The following LRRC61 variants were observed in gnomAD, a reference collection of about 807,000 sequenced individuals.
LRRC61 encodes the protein leucine-rich repeat-containing protein 61.
LRRC61 carries 9 observed loss-of-function variants against 15.1 expected under a neutral mutation model. The ratio of observed to expected loss-of-function variants is 0.60; its 90% CI spans 0.36 to 1.04. LRRC61 has a LOEUF of 1.04. Among genes scored for constraint, LRRC61 ranks in the 50% least tolerant of loss-of-function variants. The pLI is 0.01. For synonymous variants in LRRC61, 173 were observed against 158.6 expected (o/e 1.09, Z -0.68); for missense variants, 344 against 335.6 (o/e 1.03, Z -0.20).
intron 2 of LRRC61, chr7:150,328,771 A>G (rs1387290623): frequency 1.3e-5 from 2 of 152,232 alleles, no homozygotes; most frequent in African/African-American, 2.4e-5. Context: ...TGCTTCATAT[A>G]TCCTTCCCTG....
At chr7:150,336,102 C>A (rs1798280230) in intron 2 of LRRC61, among the ~76,000 whole-genome samples, 1 of 152,248 alleles carries the variant, frequency 6.6e-6, no homozygotes, top group African/African-American at 2.4e-5. Context: ...CCTGTCCCTT[C>A]ACTACCTTGA....
intron 1 of LRRC61, among the ~76,000 whole-genome samples, chr7:150,324,874 A>G (rs1475453118): frequency 1.3e-5 from 2 of 151,960 alleles, no homozygotes; most frequent in Non-Finnish European, 1.5e-5. Context: ...CCGCCCACTG[A>G]AGGGACCTTT....
chr7:150,325,678 C>T (rs1186558803), intron 1 of LRRC61, among the ~76,000 whole-genome samples, 163 bp from the exon 2 acceptor site: 4 of 152,124 alleles, frequency 2.6e-5, no homozygotes, highest in African/African-American at 9.7e-5. Flanking sequence ...GCCATCTTGC[C>T]CAAGCTGGTC....
At position 150,337,367 on chromosome 7, in the gene LRRC61, G is replaced by A. The variant is rs149938024; in HGVS notation, c.506G>A (p.Gly169Asp). ...VIDGERVIGR[G>D]SEFYQLCRDL... ...GACGGTGAGCGTGTGATTGGGCGTG[G>A]TAGTGAGTTCTACCAGCTGTGCCGA... Residue 169 changes from glycine (G) to aspartate (D), a missense_variant, in exon 3 of 3, where the codon GGT becomes GAT. Transcript: ENST00000359623. 551 of 1,605,322 alleles carry A rather than the reference G, an allele frequency of 3.4e-4. 1 individual carries two copies. In the East Asian group the frequency reaches 0.011, roughly 31 times the overall value.
the LRRC61 span, among the ~76,000 whole-genome samples, chr7:150,311,504 A>T: frequency 6.6e-6 from 1 of 151,506 alleles, no homozygotes; most frequent in Non-Finnish European, 1.5e-5. Flanking sequence ...CTGCCCCTCG[A>T]CTCCTCCAGC....
At chr7:150,321,958 AT>A (rs1797560145), upstream of LRRC61, among the ~76,000 whole-genome samples, 1 of 152,196 alleles carries the variant, frequency 6.6e-6, no homozygotes, top group Non-Finnish European at 1.5e-5. Context: ...CCCCTTGAAT[AT>A]GTCCAACTGA....
intron 2 of LRRC61, among the ~76,000 whole-genome samples, chr7:150,328,221 T>G (rs1297894309): frequency 2.6e-5 from 4 of 152,106 alleles, no homozygotes; most frequent in African/African-American, 9.7e-5. Flanking sequence ...TGGTCCAAAA[T>G]AGGAAATAGA....
chr7:150,326,606 C>T lies in LRRC61; in HGVS notation c.-145+596C>T, dbSNP rs144976203. On this transcript the variant is annotated intron_variant, in intron 2 of 2. Coordinates refer to ENST00000359623, the MANE Select transcript of LRRC61 (RefSeq NM_001142928.2). ...GCTGAGTTTGGGAGGATTACTTGAG[C>T]CCAGGAGGCAGAGGTTGCAACAAGG... Among the ~76,000 whole-genome samples, 746 of 151,592 alleles carry T rather than the reference C, an allele frequency of 4.9e-3. 7 individuals are homozygous for T. The highest frequency in any genetic ancestry group is 0.017 in the African/African-American group (708 of 41,228).
At position 150,333,090 on chromosome 7, in the gene LRRC61, G is replaced by A. The variant is rs1325468277; in HGVS notation, c.-144-3628G>A. Among the ~76,000 whole-genome samples, 1 of 152,236 alleles carries A rather than the reference G, an allele frequency of 6.6e-6. No individual in the cohort carries two copies. Among genetic ancestry groups the A allele is most frequent in the Non-Finnish European group, 1.5e-5 (1 of 68,038 alleles). Reference sequence around the variant, plus strand: ...TTGGAAGTGGCATTGTGGCTCTGCTGTGTGGCATCACCGAGCGGGCTCATG... The same window carrying A: ...TTGGAAGTGGCATTGTGGCTCTGCTATGTGGCATCACCGAGCGGGCTCATG... On this transcript the variant is annotated intron_variant, in intron 2 of 2. Transcript: ENST00000359623. This position sits in a 1 kb window ranked among gnomAD's most constrained non-coding sequence, Gnocchi z 4.3.
At chr7:150,313,329 G>A in the LRRC61 span, among the ~76,000 whole-genome samples, 20 of 152,198 alleles carry the variant, frequency 1.3e-4, no homozygotes, top group African/African-American at 4.8e-4. Context: ...GGGTGGGGGT[G>A]TTCCAGGTCA....
rs1798305949 is a variant in LRRC61 at position 150,336,790 on chromosome 7, ACCAGCTGACCC to A, written c.-67_-57del. On this transcript the variant is annotated 5_prime_UTR_variant, in exon 3 of 3. Transcript: ENST00000359623. ...TGGCCTGGGTAGAGCCAGGGCGAGC[ACCAGCTGACCC>A]CCAGTGGAACCCTGTGACAGTCCTG... 3.9e-6 allele frequency: 6 copies of A among 1,534,012 alleles called. No homozygotes were observed. In the South Asian group the frequency reaches 7.5e-5, roughly 19 times the overall value.
At chr7:150,315,081 T>C in the LRRC61 span, among the ~76,000 whole-genome samples, 3 of 147,318 alleles carry the variant, frequency 2.0e-5, no homozygotes, top group African/African-American at 7.4e-5. Context: ...AGAAAATATT[T>C]ATTATTTATT....
At chr7:150,319,856 A>G, upstream of LRRC61, among the ~76,000 whole-genome samples, 1 of 152,194 alleles carries the variant, frequency 6.6e-6, no homozygotes, top group Non-Finnish European at 1.5e-5. Context: ...TAGGGGCAGG[A>G]GCCAGTCCTA....
At chr7:150,309,908 C>G in the LRRC61 span, among the ~76,000 whole-genome samples, 3 of 152,046 alleles carry the variant, frequency 2.0e-5, no homozygotes, top group Non-Finnish European at 4.4e-5. Context: ...AGGGTAAGTC[C>G]GTCCCCTTTT....
chr7:150,320,744 C>T (rs1264939331), upstream of LRRC61, among the ~76,000 whole-genome samples: 8 of 152,110 alleles, frequency 5.3e-5, no homozygotes, highest in Non-Finnish European at 8.8e-5. Flanking sequence ...GCCTGGGCAA[C>T]AGAGTGAGAC....
At chr7:150,313,746 G>A in the LRRC61 span, among the ~76,000 whole-genome samples, 1 of 152,132 alleles carries the variant, frequency 6.6e-6, no homozygotes, top group Non-Finnish European at 1.5e-5. Context: ...CTAGAAAGAG[G>A]GAGAGAGGGG....
upstream of LRRC61, among the ~76,000 whole-genome samples, chr7:150,319,704 C>G (rs1455660728): frequency 1.3e-5 from 2 of 152,188 alleles, no homozygotes; most frequent in Non-Finnish European, 2.9e-5. Flanking sequence ...TTGACAATTA[C>G]TCTGCATTTT....
the LRRC61 span, among the ~76,000 whole-genome samples, chr7:150,309,679 T>TCCTAAGCC: frequency 4.6e-5 from 7 of 152,162 alleles, no homozygotes; most frequent in African/African-American, 1.7e-4. Flanking sequence ...CCAGGATTCT[T>TCCTAAGCC]CCTAAGCCGT....
chr7:150,333,689 G>A lies in LRRC61; in HGVS notation c.-144-3029G>A, dbSNP rs1798186859. 6.6e-6 allele frequency among the ~76,000 whole-genome samples: 1 copy of A among 152,242 alleles called. No individual in the cohort carries two copies. Among genetic ancestry groups the A allele is most frequent in the South Asian group, 2.1e-4 (1 of 4,830 alleles). ...CTTTCCAGACTCTGTTGCTGGGCCA[G>A]GAGGTCTCTGTTCCCTTCATTTCCA... On this transcript the variant is annotated intron_variant, in intron 2 of 2. Coordinates refer to ENST00000359623, the MANE Select transcript of LRRC61 (RefSeq NM_001142928.2). The surrounding 1 kb of genome is among the most constrained non-coding windows in gnomAD (Gnocchi z 4.3).
Sources: gnomAD v4.1 joint callset for allele counts (sites outside exome capture counted in the v4.1 genomes callset) on GRCh38, gnomAD v4.1.1 for gene constraint, Gnocchi (gnomAD v3.1) non-coding constraint, MANE v1.5 for transcripts, NCBI Gene and HGNC (gene_info 2026-07-23, HGNC 2026-07-21) for gene names.